The following CPSF3 variants were observed in gnomAD, a reference collection of about 807,000 sequenced individuals.
The protein encoded by CPSF3 is cleavage and polyadenylation specificity factor subunit 3.
In CPSF3, 57 loss-of-function variants were observed where a neutral mutation model predicts 84.1. The ratio of observed to expected loss-of-function variants is 0.68; its 90% CI spans 0.55 to 0.85. The LOEUF is 0.85. CPSF3 is among the 40% of genes least tolerant of loss of function. The probability of loss-of-function intolerance (pLI) is 0.00; values close to 1 mark genes in which losing one functional copy is unlikely to be tolerated. For synonymous variants in CPSF3, 275 were observed against 278.1 expected (o/e 0.99, Z 0.11); for missense variants, 522 against 838.8 (o/e 0.62, Z 4.66).
rs1435289571 is a variant in CPSF3, at chr2:9,472,942, AGAC to A, written c.1983_1985del (p.Asp662del). On this transcript the variant is annotated inframe_deletion, in exon 18 of 18. Coordinates refer to ENST00000238112, the MANE Select transcript of CPSF3 (RefSeq NM_016207.4). ...CTGTAGAATGTGAAGAGGGAAGTGA[AGAC>A]GATGAATCCCTCCGAGAAATGGTGG... 6.2e-7 allele frequency: 1 copy of A among 1,613,752 alleles called. No homozygotes were observed. Among genetic ancestry groups the A allele is most frequent in the Non-Finnish European group, 8.5e-7 (1 of 1,179,708 alleles).
At chr2:9,470,075 G>A (rs1682109998) in intron 16 of CPSF3, among the ~76,000 whole-genome samples, 1 of 152,028 alleles carries the variant, frequency 6.6e-6, no homozygotes, top group African/African-American at 2.4e-5. Context: ...ATACAAAAAT[G>A]AGCCAGGTGT....
chr2:9,455,410 A>C (rs1322165857), intron 12 of CPSF3, among the ~76,000 whole-genome samples: 1 of 152,176 alleles, frequency 6.6e-6, no homozygotes. Flanking sequence ...CTGGGATTAC[A>C]GGCATGAGCC....
Position 9,453,090 on chromosome 2 carries a change from C to G in CPSF3, c.1504+69C>G, listed in dbSNP as rs1308023992. 7.3e-6 allele frequency: 7 copies of G among 952,550 alleles called. No individual in the cohort carries two copies. The Admixed American group carries it at 1.7e-4, about 24-fold the overall frequency. The allele number at this position is 952,550 out of a possible 1,614,324, so 59.0% of individuals were successfully genotyped here. On this transcript the variant is annotated intron_variant, in intron 12 of 17. Transcript: ENST00000238112. ...TGAAAGAAAATCTATGAAAACTTCT[C>G]TTCACCTTGTGGCCTAATGTTATGT...
chr2:9,441,144 TTG>T (rs1384341148), intron 8 of CPSF3, among the ~76,000 whole-genome samples: 1 of 152,220 alleles, frequency 6.6e-6, no homozygotes, highest in African/African-American at 2.4e-5. Context: ...AATCATCTTT[TTG>T]ATTAGTGCTG....
chr2:9,436,673 G>A (rs527912634), intron 7 of CPSF3, among the ~76,000 whole-genome samples: 16 of 152,114 alleles, frequency 1.1e-4, no homozygotes, highest in African/African-American at 3.6e-4. Context: ...TCAGGAGGCT[G>A]AGGCAGAGAA....
intron 7 of CPSF3, among the ~76,000 whole-genome samples, chr2:9,436,724 T>C (rs1680796189): frequency 6.6e-6 from 1 of 151,434 alleles, no homozygotes; most frequent in Admixed American, 6.6e-5. Flanking sequence ...TGAGCCGAGA[T>C]TGCGCCACTG....
rs769448284 is a variant in CPSF3, at chr2:9,473,004, C to A, written c.2042C>A (p.Thr681Lys). ...LAAQRLYEAL[T>K]PVH Reference sequence around the variant, plus strand: ...GCACAGAGACTGTACGAGGCCCTGACGCCAGTTCACTGAGACTGTGCCTGT... The same window carrying A: ...GCACAGAGACTGTACGAGGCCCTGAAGCCAGTTCACTGAGACTGTGCCTGT... Residue 681 changes from threonine (T) to lysine (K), a missense_variant, in exon 18 of 18, where the codon ACG (threonine) becomes AAG (lysine). Thr to Lys is a moderately conservative substitution (Grantham distance 78, BLOSUM62 -1). Coordinates refer to ENST00000238112, the MANE Select transcript of CPSF3 (RefSeq NM_016207.4). 2.4e-5 allele frequency: 38 copies of A among 1,612,142 alleles called. No individual in the cohort carries two copies. The highest frequency in any genetic ancestry group is 4.0e-5 in the African/African-American group (3 of 74,760).
intron 15 of CPSF3, among the ~76,000 whole-genome samples, chr2:9,463,868 T>A (rs1393346111): frequency 6.6e-6 from 1 of 152,098 alleles, no homozygotes; most frequent in African/African-American, 2.4e-5. Context: ...CAGAACTGAG[T>A]CATTGCAACA....
At chr2:9,454,910 G>A (rs1681471604) in intron 12 of CPSF3, among the ~76,000 whole-genome samples, 1 of 152,072 alleles carries the variant, frequency 6.6e-6, no homozygotes, top group Admixed American at 6.6e-5. Flanking sequence ...AAGCAGTCTT[G>A]GGAAGAGCTA....
chr2:9,444,289 G>A (rs767447765), intron 10 of CPSF3, among the ~76,000 whole-genome samples: 10 of 151,138 alleles, frequency 6.6e-5, no homozygotes, highest in South Asian at 4.2e-4. Flanking sequence ...CACCACACCC[G>A]GCTAATTTTT....
At chr2:9,433,815 C>A in intron 5 of CPSF3, 56 bp from the exon 6 acceptor site, 1 of 1,200,550 alleles carries the variant, frequency 8.3e-7, no homozygotes, top group Non-Finnish European at 1.2e-6. Context: ...AATCTATTCA[C>A]TAGCAAAATG....
intron 7 of CPSF3, 103 bp downstream of exon 7, chr2:9,436,464 T>C (rs1482524601): frequency 7.8e-7 from 1 of 1,276,110 alleles, no homozygotes; most frequent in African/African-American, 1.5e-5. Context: ...TGGACTTCAG[T>C]TTTCTTCATT....
chr2:9,433,839 AT>A, intron 5 of CPSF3, 31 bp from the exon 6 acceptor site: 3 of 1,476,308 alleles, frequency 2.0e-6, no homozygotes, highest in Non-Finnish European at 2.8e-6. Context: ...CCTTCCCCAA[AT>A]CCTAACTTTC....
rs750560891 is a variant in CPSF3 at position 9,450,147 on chromosome 2, A to AT, written c.1395+1820dup. Among the ~76,000 whole-genome samples, 858 of 122,662 alleles carry AT rather than the reference A, an allele frequency of 7.0e-3. 4 individuals carry two copies. The highest frequency in any genetic ancestry group is 0.01 in the Non-Finnish European group (579 of 56,752). The allele number at this position is 122,662 out of a possible 152,430, so 80.5% of individuals were successfully genotyped here. A position where few individuals can be genotyped will look rare whatever the true frequency, so the allele number is the denominator to read the frequency against. Reference sequence around the variant, plus strand: ...CAAGTAGCTAGGACTACAGGCACAAATTTTTTTTTTTTTTTTTTTTTTTAG... The same window carrying AT: ...CAAGTAGCTAGGACTACAGGCACAAATTTTTTTTTTTTTTTTTTTTTTTTAG... On this transcript the variant is annotated intron_variant, in intron 11 of 17. Transcript: ENST00000238112.
chr2:9,429,019 T>C (rs1485374481), intron 2 of CPSF3, among the ~76,000 whole-genome samples, 191 bp downstream of exon 2: 2 of 152,262 alleles, frequency 1.3e-5, no homozygotes, highest in Non-Finnish European at 2.9e-5. Flanking sequence ...TAAGAAGATA[T>C]ATTCTATGAC....
chr2:9,450,957 C>G (rs1298076104), intron 11 of CPSF3, among the ~76,000 whole-genome samples: 4 of 151,688 alleles, frequency 2.6e-5, no homozygotes, highest in Non-Finnish European at 5.9e-5. Context: ...TTACTGTCCA[C>G]AAAACTTTTC....
rs1000281044 is a variant in CPSF3 at position 9,436,425 on chromosome 2, G to C, written c.760+64G>C. 3.3e-6 allele frequency: 5 copies of C among 1,503,872 alleles called. No homozygotes were observed. The African/African-American group carries it at 7.0e-5, about 21-fold the overall frequency. 93.2% of individuals were successfully genotyped at this position (1,503,872 alleles called of 1,614,324 possible). ...CTTGTCATTTTATCAAGATAATAATGTGGTCTTGGATGAGTCATTCCACCG... is the reference window on the plus strand; with the variant it reads ...CTTGTCATTTTATCAAGATAATAATCTGGTCTTGGATGAGTCATTCCACCG... On this transcript the variant is annotated intron_variant, in intron 7 of 17. Transcript: ENST00000238112.
chr2:9,445,125 A>G (rs1243586242), intron 10 of CPSF3, among the ~76,000 whole-genome samples: 2 of 152,084 alleles, frequency 1.3e-5, no homozygotes, highest in South Asian at 2.1e-4. Context: ...TCATCACTCC[A>G]AGCAGAAACT....
intron 15 of CPSF3, 92 bp from the exon 16 acceptor site, chr2:9,467,615 C>T: frequency 1.1e-6 from 1 of 885,108 alleles, no homozygotes; most frequent in Non-Finnish European, 1.8e-6. Context: ...TTCACTTTAA[C>T]TTATCAGTAA....
Sources: allele counts gnomAD v4.1 joint callset (sites outside exome capture counted in the v4.1 genomes callset), GRCh38; gene constraint gnomAD v4.1.1; transcripts MANE v1.5; gene names NCBI Gene and HGNC (gene_info 2026-07-23, HGNC 2026-07-21).